Variants in AGBL1 observed in about 807,000 individuals in gnomAD.
AGBL1 encodes the protein cytosolic carboxypeptidase 4.
In AGBL1, 130 loss-of-function variants were observed where a neutral mutation model predicts 118.9. The ratio of observed to expected loss-of-function variants is 1.09; its 90% CI spans 0.95 to 1.26. The LOEUF is 1.26. AGBL1 is among the 50% of genes most tolerant of loss of function. AGBL1 has a pLI of 0.00. For missense variants in AGBL1, 1,584 were observed against 1,298.1 expected, an observed-to-expected ratio of 1.22 and a Z score of -3.38; for synonymous variants, 555 against 478.9, an observed-to-expected ratio of 1.16 and a Z score of -2.08.
At chr15:86,490,198 C>T (rs527434354) in intron 18 of AGBL1, among the ~76,000 whole-genome samples, 1 of 152,184 alleles carries the variant, frequency 6.6e-6, no homozygotes, top group African/African-American at 2.4e-5. Context: ...CCAGATGCAG[C>T]TCTGCTGAAA....
chr15:86,549,879 G>C (rs544095679), intron 20 of AGBL1, among the ~76,000 whole-genome samples: 13 of 144,268 alleles, frequency 9.0e-5, no homozygotes, highest in African/African-American at 3.3e-4. Context: ...GGGTGGGGAG[G>C]GGAGTGGAGG....
chr15:86,624,281 A>G (rs918122859), intron 21 of AGBL1, among the ~76,000 whole-genome samples: 2 of 152,248 alleles, frequency 1.3e-5, no homozygotes, highest in African/African-American at 4.8e-5. Flanking sequence ...TGTTAAAAGT[A>G]TGAGTCTAGC....
chr15:86,171,778 A>G (rs73445608), intron 5 of AGBL1, among the ~76,000 whole-genome samples: 2,174 of 152,328 alleles, frequency 0.014, 51 homozygotes, highest in African/African-American at 0.044. Flanking sequence ...TTGCAAGAAT[A>G]TAGAACCAGC....
intron 23 of AGBL1, among the ~76,000 whole-genome samples, chr15:86,972,017 G>A: frequency 6.6e-6 from 1 of 151,900 alleles, no homozygotes; most frequent in Non-Finnish European, 1.5e-5. Context: ...GTTCCCTGAG[G>A]CTTCCCTAGT....
chr15:86,874,381 G>GACACAC (rs58756904), intron 22 of AGBL1, among the ~76,000 whole-genome samples: 3,062 of 148,946 alleles, frequency 0.021, 46 homozygotes, highest in South Asian at 0.057. Context: ...TTGTGGGTGG[G>GACACAC]ACACACACAC....
intron 5 of AGBL1, among the ~76,000 whole-genome samples, chr15:86,203,608 G>C (rs749173948): frequency 4.6e-5 from 7 of 152,180 alleles, no homozygotes; most frequent in Admixed American, 1.3e-4. Context: ...TTTGCTACCT[G>C]ACCACAGCTA....
intron 1 of AGBL1, among the ~76,000 whole-genome samples, chr15:86,081,511 C>T (rs551019610): frequency 1.1e-4 from 16 of 152,168 alleles, no homozygotes; most frequent in Admixed American, 2.6e-4. Flanking sequence ...GTTGACTTGG[C>T]GTCCTTTGAC....
chr15:86,315,356 C>T (rs2079986016), intron 17 of AGBL1, among the ~76,000 whole-genome samples: 1 of 152,100 alleles, frequency 6.6e-6, no homozygotes, highest in African/African-American at 2.4e-5. Context: ...CCTAGTTAAG[C>T]CTCAGTTTCA....
chr15:86,724,109 G>A lies in AGBL1; in HGVS notation c.3158+49673G>A, dbSNP rs7165852. Among the ~76,000 whole-genome samples the A allele has an allele frequency of 4.2e-3, 635 of 152,032 alleles. 3 individuals are homozygous for A. Among genetic ancestry groups the A allele is most frequent in the African/African-American group, 0.014 (581 of 41,494 alleles). On this transcript the variant is annotated intron_variant, in intron 22 of 22. Coordinates refer to ENST00000614907, the MANE Select transcript of AGBL1 (RefSeq NM_001386094.1). Reference sequence around the variant, plus strand: ...AAATTAGCCGGGTGCGGTGGCGGGCGCCTGTAGTCCCAGCTACTTGGGAGG... The same window carrying A: ...AAATTAGCCGGGTGCGGTGGCGGGCACCTGTAGTCCCAGCTACTTGGGAGG...
chr15:86,756,642 G>C lies in AGBL1; in HGVS notation c.3158+82206G>C, dbSNP rs138536459. On this transcript the variant is annotated intron_variant, in intron 22 of 22. Transcript: ENST00000614907. Reference sequence around the variant, plus strand: ...TGAGGGTGAGAGAAGGAGGGTCTGGGGTGGAGCGTCTATAACCAGGACCCA... The same window carrying C: ...TGAGGGTGAGAGAAGGAGGGTCTGGCGTGGAGCGTCTATAACCAGGACCCA... Among the ~76,000 whole-genome samples, 690 of 152,206 alleles carry C rather than the reference G, an allele frequency of 4.5e-3. 9 individuals are homozygous for C. The highest frequency in any genetic ancestry group is 5.9e-3 in the Non-Finnish European group (402 of 67,986).
intron 22 of AGBL1, among the ~76,000 whole-genome samples, chr15:86,812,148 C>T (rs534621284): frequency 3.0e-4 from 45 of 152,248 alleles, no homozygotes; most frequent in South Asian, 4.1e-4. Context: ...ACAATGTGTG[C>T]GCTTACTTTT....
intron 23 of AGBL1, among the ~76,000 whole-genome samples, chr15:86,974,424 T>A (rs1477095671): frequency 3.5e-5 from 4 of 115,714 alleles, no homozygotes; most frequent in Admixed American, 9.0e-5. Flanking sequence ...AAACATATTT[T>A]ATATATTAAA....
chr15:86,511,370 C>T (rs2083050435), intron 18 of AGBL1, among the ~76,000 whole-genome samples: 1 of 151,992 alleles, frequency 6.6e-6, no homozygotes, highest in Non-Finnish European at 1.5e-5. Context: ...CACATTGGTT[C>T]ATATAGGTGT....
chr15:86,292,305 C>T (rs1213803881), intron 16 of AGBL1, among the ~76,000 whole-genome samples: 1 of 152,034 alleles, frequency 6.6e-6, no homozygotes, highest in South Asian at 2.1e-4. Flanking sequence ...CAGAGTGATG[C>T]AATTTTTGGC....
intron 21 of AGBL1, among the ~76,000 whole-genome samples, chr15:86,576,001 A>G (rs4635311): frequency 0.42 from 64,345 of 152,116 alleles, 15,658 homozygotes; most frequent in Non-Finnish European, 0.54. Context: ...ATGTGCAAAC[A>G]AGCTTAACTC....
intron 5 of AGBL1, among the ~76,000 whole-genome samples, chr15:86,216,058 C>G (rs2078182688): frequency 6.6e-6 from 1 of 152,096 alleles, no homozygotes; most frequent in Admixed American, 6.6e-5. Flanking sequence ...ATTTTCATTG[C>G]TAATGTATAG....
At chr15:86,367,967 A>G (rs751552280) in intron 17 of AGBL1, among the ~76,000 whole-genome samples, 5 of 152,066 alleles carry the variant, frequency 3.3e-5, no homozygotes, top group African/African-American at 4.8e-5. Flanking sequence ...ACTAATAAAC[A>G]TGGGTTAGGG....
intron 7 of AGBL1, among the ~76,000 whole-genome samples, chr15:86,248,945 G>A (rs552263503): frequency 3.9e-5 from 6 of 152,250 alleles, no homozygotes; most frequent in Admixed American, 2.6e-4. Flanking sequence ...GGTCATGCTG[G>A]TCAGGCCAAG....
chr15:86,465,995 G>A (rs535226563), intron 18 of AGBL1, among the ~76,000 whole-genome samples: 24 of 152,228 alleles, frequency 1.6e-4, no homozygotes, highest in Middle Eastern at 3.4e-3. Flanking sequence ...GGGGCATCAC[G>A]GAACCTGCCG....
Sources: gnomAD v4.1 joint callset for allele counts (sites outside exome capture counted in the v4.1 genomes callset) on GRCh38, gnomAD v4.1.1 for gene constraint, MANE v1.5 for transcripts, NCBI Gene and HGNC (gene_info 2026-07-23, HGNC 2026-07-21) for gene names.